The following RSU1 variants were observed in gnomAD, a reference collection of about 807,000 sequenced individuals.
RSU1 encodes rsu-1.
RSU1 carries 26 observed loss-of-function variants against 31.1 expected under a neutral mutation model. That is an observed-to-expected ratio of 0.84 (90% CI 0.61 to 1.16). RSU1 has a LOEUF of 1.16. Among genes scored for constraint, RSU1 ranks in the 50% most tolerant of loss-of-function variants. The probability of loss-of-function intolerance (pLI) is 0.00; values close to 1 mark genes in which losing one functional copy is unlikely to be tolerated. For synonymous variants in RSU1, 164 were observed against 136.3 expected, an observed-to-expected ratio of 1.20 and a Z score of -1.41; for missense variants, 320 against 339.1, an observed-to-expected ratio of 0.94 and a Z score of 0.44.
chr10:16,753,783 T>C (rs763696678), intron 5 of RSU1, among the ~76,000 whole-genome samples: 1 of 152,206 alleles, frequency 6.6e-6, no homozygotes, highest in Non-Finnish European at 1.5e-5. Flanking sequence ...GTATTTATTT[T>C]TTAGAGACAG....
At chr10:16,751,296 G>C (rs1836974429) in intron 7 of RSU1, among the ~76,000 whole-genome samples, 1 of 152,202 alleles carries the variant, frequency 6.6e-6, no homozygotes, top group South Asian at 2.1e-4. Flanking sequence ...GTGTTGAGTT[G>C]CTCCTCAGCC....
chr10:16,690,540 T>G (rs1487114067), intron 8 of RSU1, among the ~76,000 whole-genome samples: 1 of 152,172 alleles, frequency 6.6e-6, no homozygotes, highest in Non-Finnish European at 1.5e-5. Context: ...ATGGAACAAG[T>G]TCCCATCTTC....
At chr10:16,637,245 C>A (rs1834358430) in intron 8 of RSU1, among the ~76,000 whole-genome samples, 1 of 152,200 alleles carries the variant, frequency 6.6e-6, no homozygotes, top group Admixed American at 6.5e-5. Context: ...CCACAGTTAT[C>A]TGTTAATTCA....
At chr10:16,726,265 A>ATTTT in intron 7 of RSU1, among the ~76,000 whole-genome samples, 1 of 138,694 alleles carries the variant, frequency 7.2e-6, no homozygotes, top group African/African-American at 3.2e-5. Flanking sequence ...TTAGGAACGT[A>ATTTT]TCTTTTTTTT....
Position 16,800,317 on chromosome 10 carries a change from T to A in RSU1, c.109+16656A>T, listed in dbSNP as rs116756001. 8.9e-3 allele frequency among the ~76,000 whole-genome samples: 1,356 copies of A among 152,300 alleles called. 17 individuals are homozygous for A. Among genetic ancestry groups the A allele is most frequent in the African/African-American group, 0.031 (1,269 of 41,558 alleles). On this transcript the variant is annotated intron_variant, in intron 2 of 8. Coordinates refer to ENST00000345264, the MANE Select transcript of RSU1 (RefSeq NM_012425.4). ...GACTTTAAAATTAATATGATTGATATGCTAAGAGCTCTAATGGAAAAAGTA... is the reference window on the plus strand; with the variant it reads ...GACTTTAAAATTAATATGATTGATAAGCTAAGAGCTCTAATGGAAAAAGTA...
chr10:16,694,246 C>T (rs755364445), intron 8 of RSU1, among the ~76,000 whole-genome samples: 2 of 152,198 alleles, frequency 1.3e-5, no homozygotes, highest in African/African-American at 2.4e-5. Flanking sequence ...GCAGATTCCG[C>T]TTCCTCTCCT....
chr10:16,770,093 T>C (rs1424303802), intron 3 of RSU1, among the ~76,000 whole-genome samples: 1 of 152,050 alleles, frequency 6.6e-6, no homozygotes, highest in East Asian at 1.9e-4. Flanking sequence ...TGAACCCTAA[T>C]GGCAGGATGC....
intron 7 of RSU1, among the ~76,000 whole-genome samples, chr10:16,702,856 G>A (rs1835821442): frequency 1.3e-5 from 2 of 152,126 alleles, no homozygotes; most frequent in South Asian, 4.1e-4. Flanking sequence ...GAGGGGCCAG[G>A]GGCAGAATGA....
intron 8 of RSU1, among the ~76,000 whole-genome samples, chr10:16,611,685 T>G (rs1046406906): frequency 6.6e-6 from 1 of 152,160 alleles, no homozygotes; most frequent in African/African-American, 2.4e-5. Context: ...AGTAAACCCT[T>G]TCTCATGGGA....
chr10:16,651,843 A>G (rs1294009353), intron 8 of RSU1, among the ~76,000 whole-genome samples: 1 of 152,258 alleles, frequency 6.6e-6, no homozygotes, highest in Non-Finnish European at 1.5e-5. Context: ...AATAACAGAC[A>G]TAGTTTAAAC....
chr10:16,753,094 C>G, intron 5 of RSU1, 94 bp from the exon 6 acceptor site: 1 of 933,812 alleles, frequency 1.1e-6, no homozygotes, highest in Admixed American at 2.2e-5. Flanking sequence ...GATTAATAAC[C>G]CTGGCTTGGT....
At chr10:16,627,762 CAAAAAAAAAAA>C (rs74962434) in intron 8 of RSU1, among the ~76,000 whole-genome samples, 2 of 67,556 alleles carry the variant, frequency 3.0e-5, no homozygotes, top group South Asian at 6.2e-4. Context: ...CATCTCAATA[CAAAAAAAAAAA>C]AAAAAAAAAG....
intron 8 of RSU1, among the ~76,000 whole-genome samples, chr10:16,658,898 T>C (rs1479048057): frequency 6.6e-6 from 1 of 152,210 alleles, no homozygotes; most frequent in Non-Finnish European, 1.5e-5. Context: ...TGTGGCTCCG[T>C]ATCCTTGCCC....
At chr10:16,710,740 CAT>C (rs1326470517) in intron 7 of RSU1, among the ~76,000 whole-genome samples, 1 of 152,014 alleles carries the variant, frequency 6.6e-6, no homozygotes, top group African/African-American at 2.4e-5. Flanking sequence ...CATAGGTATA[CAT>C]GTGTCATGGT....
At chr10:16,793,672 T>C (rs1376614128) in intron 2 of RSU1, among the ~76,000 whole-genome samples, 2 of 152,018 alleles carry the variant, frequency 1.3e-5, no homozygotes, top group Admixed American at 1.3e-4. Context: ...TTAACAAAAC[T>C]TGGTGAGCTA....
intron 8 of RSU1, among the ~76,000 whole-genome samples, chr10:16,676,956 C>G (rs1289804969): frequency 6.6e-6 from 1 of 152,134 alleles, no homozygotes; most frequent in Admixed American, 6.5e-5. Flanking sequence ...GACTAAGGAG[C>G]TGGCAGTAGG....
chr10:16,610,779 C>T (rs1833879492), intron 8 of RSU1, among the ~76,000 whole-genome samples: 1 of 152,154 alleles, frequency 6.6e-6, no homozygotes, highest in South Asian at 2.1e-4. Flanking sequence ...CTCCCCGCAA[C>T]CCTGCTGGTC....
chr10:16,653,286 A>T (rs573982096), intron 8 of RSU1, among the ~76,000 whole-genome samples: 1 of 152,360 alleles, frequency 6.6e-6, no homozygotes, highest in East Asian at 1.9e-4. Flanking sequence ...AAATATACAG[A>T]ACAGTTCAGT....
intron 8 of RSU1, among the ~76,000 whole-genome samples, chr10:16,659,078 A>G (rs1834839339): frequency 6.6e-6 from 1 of 152,104 alleles, no homozygotes; most frequent in African/African-American, 2.4e-5. Flanking sequence ...CCTTTTATCA[A>G]TTTATCTTTC....
Sources: allele counts gnomAD v4.1 joint callset (sites outside exome capture counted in the v4.1 genomes callset), GRCh38; gene constraint gnomAD v4.1.1; transcripts MANE v1.5; gene names NCBI Gene and HGNC (gene_info 2026-07-23, HGNC 2026-07-21).